The following FAM222B variants were observed in gnomAD, a reference collection of about 807,000 sequenced individuals.
FAM222B encodes the protein protein FAM222B.
In FAM222B, 12 loss-of-function variants were observed where a neutral mutation model predicts 38.0. That is an observed-to-expected ratio of 0.32 (90% CI 0.20 to 0.51). The LOEUF (loss-of-function observed/expected upper bound fraction) is 0.51, where lower values mean the gene tolerates loss of function less well. Ranked by LOEUF, FAM222B falls within the 20% of genes least tolerant of loss-of-function variation. The pLI, the probability that FAM222B is intolerant of heterozygous loss-of-function variation, is 0.97. For synonymous variants in FAM222B, 329 were observed against 317.2 expected, an observed-to-expected ratio of 1.04 and a Z score of -0.40; for missense variants, 716 against 754.2, an observed-to-expected ratio of 0.95 and a Z score of 0.59.
intron 1 of FAM222B, among the ~76,000 whole-genome samples, chr17:28,806,720 C>G (rs1209458317): frequency 6.6e-6 from 1 of 152,108 alleles, no homozygotes; most frequent in African/African-American, 2.4e-5. Flanking sequence ...GTGTTTGGAT[C>G]CCCTTCACAA....
At chr17:28,843,159 T>G (rs2039104971), upstream of FAM222B, among the ~76,000 whole-genome samples, 2 of 149,488 alleles carry the variant, frequency 1.3e-5, no homozygotes, top group South Asian at 2.1e-4. Context: ...TTTTTCTGAG[T>G]CGAAGTTTCG....
intron 2 of FAM222B, among the ~76,000 whole-genome samples, chr17:28,761,583 T>C (rs534148520): frequency 3.0e-4 from 45 of 152,300 alleles, no homozygotes; most frequent in African/African-American, 1.0e-3. Context: ...CTAATGAGCA[T>C]ATTAGAAGGA....
intron 1 of FAM222B, among the ~76,000 whole-genome samples, chr17:28,832,082 C>G (rs1378472200): frequency 6.6e-6 from 1 of 152,060 alleles, no homozygotes; most frequent in Non-Finnish European, 1.5e-5. Context: ...CCCAGCAACT[C>G]AGGAGGCTGA....
chr17:28,774,416 G>A (rs548139148), intron 1 of FAM222B, among the ~76,000 whole-genome samples: 6 of 152,178 alleles, frequency 3.9e-5, no homozygotes, highest in South Asian at 2.1e-4. Flanking sequence ...TTTTCCTAAC[G>A]CCAGCTGGTA....
At chr17:28,784,963 C>G (rs185586929) in intron 1 of FAM222B, among the ~76,000 whole-genome samples, 6 of 151,890 alleles carry the variant, frequency 4.0e-5, no homozygotes, top group Admixed American at 3.9e-4. Flanking sequence ...ACTATGTTTC[C>G]CAGGCTGGTC....
chr17:28,792,185 G>A (rs560440447), intron 1 of FAM222B, among the ~76,000 whole-genome samples: 169 of 151,572 alleles, frequency 1.1e-3, no homozygotes, highest in Non-Finnish European at 1.8e-3. Context: ...GATGGCAGGC[G>A]CCTGTAGTCC....
At chr17:28,827,200 T>A (rs1017870776) in intron 1 of FAM222B, among the ~76,000 whole-genome samples, 1 of 151,744 alleles carries the variant, frequency 6.6e-6, no homozygotes, top group African/African-American at 2.4e-5. Context: ...CCACAAAAAA[T>A]TTTAAAAATT....
intron 1 of FAM222B, among the ~76,000 whole-genome samples, chr17:28,810,476 GCTAACTTTGTTTTATA>G (rs2037707709): frequency 1.3e-5 from 2 of 149,506 alleles, no homozygotes; most frequent in Non-Finnish European, 3.0e-5. Flanking sequence ...TTATATACTA[GCTAACTTTGTTTTATA>G]TACTAGCTAA....
At chr17:28,809,674 A>G (rs2043032) in intron 1 of FAM222B, among the ~76,000 whole-genome samples, 29,211 of 152,046 alleles carry the variant, frequency 0.19, 2,943 homozygotes, top group South Asian at 0.3. Context: ...AATCAGTCAA[A>G]AAAATAGAAA....
At chr17:28,770,611 C>T (rs2035581404) in intron 1 of FAM222B, among the ~76,000 whole-genome samples, 1 of 151,334 alleles carries the variant, frequency 6.6e-6, no homozygotes. Context: ...TGCTCTCTCA[C>T]CCAGGCTGGA....
At chr17:28,840,113 C>G (rs1468091792) in intron 1 of FAM222B, among the ~76,000 whole-genome samples, 1 of 152,210 alleles carries the variant, frequency 6.6e-6, no homozygotes, top group African/African-American at 2.4e-5. Flanking sequence ...TGGTGGCTTA[C>G]GCCTGTGATC....
At chr17:28,834,197 A>G (rs537537351) in intron 1 of FAM222B, 2 of 152,310 alleles carry the variant, frequency 1.3e-5, no homozygotes, top group South Asian at 2.1e-4. Flanking sequence ...CCAACCAACT[A>G]GTCTCCCTAC....
intron 2 of FAM222B, chr17:28,762,091 G>A (rs1567791962): frequency 6.6e-6 from 1 of 152,042 alleles, no homozygotes; most frequent in Non-Finnish European, 1.5e-5. Context: ...TATGGAAGGG[G>A]ACACTTATCC....
At chr17:28,790,726 G>A (rs1384819797) in intron 1 of FAM222B, among the ~76,000 whole-genome samples, 1 of 152,024 alleles carries the variant, frequency 6.6e-6, no homozygotes, top group African/African-American at 2.4e-5. Context: ...TTTGACAGTT[G>A]TATTGTGGTA....
chr17:28,854,953 T>C, exon 1 of FAM222B: 1 of 1,474,286 alleles, frequency 6.8e-7, no homozygotes, highest in South Asian at 1.4e-5. Context: ...GACCTACCTC[T>C]CTCCTACTCG....
chr17:28,765,474 C>G (rs552103409), intron 2 of FAM222B, among the ~76,000 whole-genome samples: 2 of 152,288 alleles, frequency 1.3e-5, no homozygotes, highest in East Asian at 3.9e-4. Flanking sequence ...TTGTTAACCC[C>G]TGTCATAAGG....
intron 1 of FAM222B, among the ~76,000 whole-genome samples, chr17:28,799,916 T>C (rs1174143319): frequency 6.6e-6 from 1 of 151,840 alleles, no homozygotes; most frequent in Non-Finnish European, 1.5e-5. Context: ...CAAGAAAGGC[T>C]CTTTAAACAA....
At position 28,826,522 on chromosome 17, in the gene FAM222B, C is replaced by T. The variant is rs186455461; in HGVS notation, c.-41+16160G>A. 5.0e-3 allele frequency among the ~76,000 whole-genome samples: 758 copies of T among 151,698 alleles called. 12 individuals carry two copies. Among genetic ancestry groups the T allele is most frequent in the Admixed American group, 0.026 (388 of 15,210 alleles). On this transcript the variant is annotated intron_variant, in intron 1 of 2. Coordinates refer to ENST00000581407, the MANE Select transcript of FAM222B (RefSeq NM_001077498.3). The stretch of plus-strand genomic sequence containing the variant: ...ATGGTGAAACCCTGTCTCTACTAAA[C>T]ACAAAAAAAACAGCCAGGCGTGGTG...
intron 2 of FAM222B, chr17:28,762,254 G>A (rs984538733): frequency 3.3e-5 from 5 of 152,158 alleles, no homozygotes; most frequent in East Asian, 1.9e-4. Context: ...GATGAGTACA[G>A]TATATTGAAC....
Sources: gnomAD v4.1 joint callset for allele counts (sites outside exome capture counted in the v4.1 genomes callset) on GRCh38, gnomAD v4.1.1 for gene constraint, MANE v1.5 for transcripts, NCBI Gene and HGNC (gene_info 2026-07-23, HGNC 2026-07-21) for gene names.